DOK6: variants seen among roughly 807,000 people sequenced by gnomAD.
The protein encoded by DOK6 is docking protein 6, also known as downstream of tyrosine kinase 6.
DOK6 carries 22 observed loss-of-function variants against 44.0 expected under a neutral mutation model. The ratio of observed to expected loss-of-function variants is 0.50; its 90% CI spans 0.36 to 0.71. The LOEUF is 0.71. Ranked by LOEUF, DOK6 falls within the 30% of genes least tolerant of loss-of-function variation. The probability of loss-of-function intolerance (pLI) is 0.00; values close to 1 mark genes in which losing one functional copy is unlikely to be tolerated. For synonymous variants in DOK6, 166 were observed against 145.5 expected (o/e 1.14, Z -1.01); for missense variants, 340 against 416.4 (o/e 0.82, Z 1.60).
chr18:69,470,418 C>T lies in DOK6; in HGVS notation c.66+69108C>T, dbSNP rs370528601. Among the ~76,000 whole-genome samples the T allele has an allele frequency of 2.6e-5, 4 of 152,314 alleles. No homozygotes were observed. The East Asian group carries it at 7.7e-4, about 29-fold the overall frequency. On this transcript the variant is annotated intron_variant, in intron 1 of 7. Coordinates refer to ENST00000382713, the MANE Select transcript of DOK6 (RefSeq NM_152721.6). ...GGAGGCTGGAGCCAGGAAACTGTCT[C>T]CTTTTCTGGCCTGGCCCTGCTGGAG... is the stretch of plus-strand genomic sequence containing the variant.
chr18:69,736,568 G>C lies in DOK6; in HGVS notation c.600-2397G>C, dbSNP rs548165167. 5.9e-5 allele frequency among the ~76,000 whole-genome samples: 9 copies of C among 152,200 alleles called. No homozygotes were observed. In the South Asian group the frequency reaches 1.9e-3, roughly 32 times the overall value. On this transcript the variant is annotated intron_variant, in intron 5 of 7. Transcript: ENST00000382713. ...TAGTTTGAAGTCAGGACAAACACAC[G>C]TCATCCATATTTTCCCTGTTTCACA...
At chr18:69,421,875 GCTTCCTC>G (rs1978502424) in intron 1 of DOK6, among the ~76,000 whole-genome samples, 1 of 37,532 alleles carries the variant, frequency 2.7e-5, no homozygotes, top group Non-Finnish European at 6.7e-5. Context: ...AGGCATCCCA[GCTTCCTC>G]ACCTGGAGAA....
At chr18:69,746,658 C>T (rs1329346061) in intron 6 of DOK6, among the ~76,000 whole-genome samples, 1 of 152,192 alleles carries the variant, frequency 6.6e-6, no homozygotes, top group Non-Finnish European at 1.5e-5. Flanking sequence ...CATTCAATGA[C>T]CATGTAAATA....
At chr18:69,802,030 C>T (rs1980918149) in intron 7 of DOK6, among the ~76,000 whole-genome samples, 1 of 152,138 alleles carries the variant, frequency 6.6e-6, no homozygotes, top group Non-Finnish European at 1.5e-5. Flanking sequence ...GTTCTGGGAA[C>T]CCTTTTTCCT....
intron 3 of DOK6, among the ~76,000 whole-genome samples, chr18:69,675,505 G>A (rs1031510825): frequency 6.6e-6 from 1 of 151,960 alleles, no homozygotes; most frequent in South Asian, 2.1e-4. Flanking sequence ...TTTTTACATC[G>A]TGGAGTCTTC....
intron 7 of DOK6, among the ~76,000 whole-genome samples, chr18:69,805,389 G>T (rs1173733698): frequency 6.6e-6 from 1 of 152,118 alleles, no homozygotes; most frequent in African/African-American, 2.4e-5. Flanking sequence ...TTTTATGAAA[G>T]AAGTGAGTAA....
chr18:69,737,271 TG>T (rs1295564480), intron 5 of DOK6, among the ~76,000 whole-genome samples: 6 of 152,200 alleles, frequency 3.9e-5, no homozygotes, highest in African/African-American at 1.4e-4. Flanking sequence ...CTTACCATCA[TG>T]GCAGAAGGTG....
intron 5 of DOK6, among the ~76,000 whole-genome samples, chr18:69,732,409 T>G (rs1318352211): frequency 6.6e-6 from 1 of 152,180 alleles, no homozygotes; most frequent in Non-Finnish European, 1.5e-5. Context: ...ATTGAGGTAA[T>G]GCAAGTCTTA....
chr18:69,666,290 G>A (rs777900517), intron 3 of DOK6, among the ~76,000 whole-genome samples: 2 of 152,094 alleles, frequency 1.3e-5, no homozygotes, highest in South Asian at 2.1e-4. Flanking sequence ...TACAGGTGAC[G>A]TTTTAACCAA....
At chr18:69,739,386 T>C (rs763540115) in intron 6 of DOK6, among the ~76,000 whole-genome samples, 32 of 152,214 alleles carry the variant, frequency 2.1e-4, no homozygotes, top group Non-Finnish European at 1.0e-4. Flanking sequence ...TAAGAAGCAA[T>C]GCTGTCTGCA....
chr18:69,473,338 T>C (rs1223649427), intron 1 of DOK6, among the ~76,000 whole-genome samples: 1 of 152,248 alleles, frequency 6.6e-6, no homozygotes, highest in Non-Finnish European at 1.5e-5. Context: ...ATGGCAACCC[T>C]AATTTTTAAA....
chr18:69,735,500 G>A (rs184731728), intron 5 of DOK6, among the ~76,000 whole-genome samples: 42 of 152,330 alleles, frequency 2.8e-4, no homozygotes, highest in African/African-American at 9.9e-4. Flanking sequence ...ACCTTCCAAG[G>A]CCCCTCCCAG....
At chr18:69,801,302 T>C (rs907775818) in intron 7 of DOK6, among the ~76,000 whole-genome samples, 17 of 152,194 alleles carry the variant, frequency 1.1e-4, no homozygotes, top group African/African-American at 4.1e-4. Context: ...CCAACACTCA[T>C]TGTCAGGCAT....
intron 3 of DOK6, among the ~76,000 whole-genome samples, chr18:69,653,329 G>GAAT (rs749613825): frequency 7.9e-5 from 12 of 151,224 alleles, no homozygotes; most frequent in African/African-American, 2.9e-4. Flanking sequence ...AAAAGAAGAA[G>GAAT]ATTTTGGCTA....
chr18:69,651,044 A>G (rs1026817999), intron 3 of DOK6, among the ~76,000 whole-genome samples: 44 of 152,162 alleles, frequency 2.9e-4, no homozygotes. Context: ...GTATGTGGAG[A>G]GATGTAGAAG....
chr18:69,740,003 T>A (rs1427001587), intron 6 of DOK6, among the ~76,000 whole-genome samples: 1 of 152,220 alleles, frequency 6.6e-6, no homozygotes, highest in African/African-American at 2.4e-5. Context: ...AGAACAGAAG[T>A]AGCTTAAATG....
chr18:69,773,899 A>G (rs1017577888), intron 7 of DOK6, among the ~76,000 whole-genome samples: 1 of 151,526 alleles, frequency 6.6e-6, no homozygotes, highest in Non-Finnish European at 1.5e-5. Context: ...TGATCCAGCA[A>G]TCCTACCATT....
Position 69,564,344 on chromosome 18 carries a change from G to A in DOK6, c.67-143G>A, listed in dbSNP as rs961395939. 3.6e-5 allele frequency: 24 copies of A among 659,948 alleles called. No individual in the cohort carries two copies. The Admixed American group carries it at 8.2e-4, about 23-fold the overall frequency. 40.9% of individuals were successfully genotyped at this position (659,948 alleles called of 1,614,324 possible). ...ATGAAATATCATATTTAAAAATACT[G>A]TAATCTTAATTAAGAACATGTTTGT... On this transcript the variant is annotated intron_variant, in intron 1 of 7. Coordinates refer to ENST00000382713, the MANE Select transcript of DOK6 (RefSeq NM_152721.6).
At chr18:69,422,726 C>G (rs76485019) in intron 1 of DOK6, among the ~76,000 whole-genome samples, 2 of 152,050 alleles carry the variant, frequency 1.3e-5, no homozygotes, top group African/African-American at 2.4e-5. Context: ...TTTTACTGCT[C>G]GCTCAATTAT....
Sources: gnomAD v4.1 joint callset for allele counts (sites outside exome capture counted in the v4.1 genomes callset) on GRCh38, gnomAD v4.1.1 for gene constraint, MANE v1.5 for transcripts, NCBI Gene and HGNC (gene_info 2026-07-23, HGNC 2026-07-21) for gene names.